The following ELF1 variants were observed in gnomAD, a reference collection of about 807,000 sequenced individuals.
ELF1 encodes the protein ETS-related transcription factor Elf-1.
ELF1 carries 24 observed loss-of-function variants against 59.9 expected under a neutral mutation model. The ratio of observed to expected loss-of-function variants is 0.40; its 90% CI spans 0.29 to 0.56. ELF1 has a LOEUF of 0.56. ELF1 is among the 20% of genes least tolerant of loss of function. The pLI is 0.44. For missense variants in ELF1, 627 were observed against 742.2 expected (o/e 0.84, Z 1.80); for synonymous variants, 248 against 266.2 (o/e 0.93, Z 0.67).
At chr13:41,033,098 C>G (rs916567367) in intron 1 of ELF1, among the ~76,000 whole-genome samples, 1 of 152,082 alleles carries the variant, frequency 6.6e-6, no homozygotes, top group Admixed American at 6.6e-5. Flanking sequence ...TTTTAGGACA[C>G]GTTAAAGAAA....
At chr13:41,061,099 CT>C (rs79032968) in exon 1 of ELF1, 1,347 of 183,456 alleles carry the variant, frequency 7.3e-3, no homozygotes, top group South Asian at 0.021. Context: ...AGTTTCACCT[CT>C]TTTTTTTTTA....
At chr13:41,023,049 T>C (rs2138396375), upstream of ELF1, among the ~76,000 whole-genome samples, 1 of 152,338 alleles carries the variant, frequency 6.6e-6, no homozygotes, top group South Asian at 2.1e-4. Context: ...ATCAAGTCAG[T>C]ATATACCTTA....
Position 40,940,925 on chromosome 13 carries a change from T to C in ELF1, c.1252A>G (p.Ile418Val), listed in dbSNP as rs758821415. ...TCAGTAGTTTGGTTTTCTCACCTAATACTCTGAACGGAAGAATTTAATGTT... is the reference window on the plus strand; with the variant it reads ...TCAGTAGTTTGGTTTTCTCACCTAACACTCTGAACGGAAGAATTTAATGTT... ...DETLNSSVQS[I>V]RTIQAPTQVP... The change falls in exon 8 of 9, where the codon ATT becomes GTT. Residue 418 changes from isoleucine (I) to valine (V), a missense_variant. By Grantham distance (29) the Ile-to-Val change is conservative (BLOSUM62 3). Transcript: ENST00000239882. 5 of 1,609,144 alleles carry C rather than the reference T, an allele frequency of 3.1e-6. No homozygotes were observed. In the South Asian group the frequency reaches 5.5e-5, roughly 18 times the overall value.
intron 1 of ELF1, among the ~76,000 whole-genome samples, chr13:41,040,350 G>A (rs146044564): frequency 5.3e-5 from 8 of 152,068 alleles, no homozygotes; most frequent in Non-Finnish European, 7.4e-5. Flanking sequence ...AAATCTCCAG[G>A]ACATATTTAA....
intron 1 of ELF1, among the ~76,000 whole-genome samples, chr13:41,056,655 C>T (rs146132695): frequency 3.0e-4 from 46 of 152,234 alleles, no homozygotes; most frequent in African/African-American, 1.0e-3. Flanking sequence ...AGAACAAGAA[C>T]GATCTCATAT....
At chr13:40,959,611 G>T (rs1871685212) in intron 2 of ELF1, among the ~76,000 whole-genome samples, 1 of 151,958 alleles carries the variant, frequency 6.6e-6, no homozygotes, top group Non-Finnish European at 1.5e-5. Flanking sequence ...AAGTTTTTTG[G>T]CAAAACAAAA....
At position 41,051,048 on chromosome 13, in the gene ELF1, T is replaced by C. The variant is rs571424894; in HGVS notation, c.-229+9790A>G. 3.3e-5 allele frequency among the ~76,000 whole-genome samples: 5 copies of C among 152,362 alleles called. No homozygotes were observed. In the South Asian group the frequency reaches 1.0e-3, roughly 32 times the overall value. On this transcript the variant is annotated intron_variant, in intron 1 of 1. Coordinates refer to the ELF1 transcript ENST00000405737. The stretch of plus-strand genomic sequence containing the variant: ...GTTGTGACTGCTTTCATATAAACTT[T>C]ATGTGCCTTCATTTCCCACACATTT...
chr13:40,991,557 G>A (rs1341871029), intron 1 of ELF1, among the ~76,000 whole-genome samples: 2 of 152,122 alleles, frequency 1.3e-5, no homozygotes, highest in Non-Finnish European at 2.9e-5. Context: ...GGTTACAGGT[G>A]TGAGCCACCA....
chr13:41,046,022 C>T (rs961407697), intron 1 of ELF1, among the ~76,000 whole-genome samples: 1 of 152,100 alleles, frequency 6.6e-6, no homozygotes, highest in African/African-American at 2.4e-5. Context: ...TGAATTGATC[C>T]CTTTACCATT....
chr13:41,001,963 T>A (rs995885143), intron 1 of ELF1, among the ~76,000 whole-genome samples: 1 of 152,110 alleles, frequency 6.6e-6, no homozygotes, highest in African/African-American at 2.4e-5. Context: ...AATATCTAAC[T>A]CCTAGTTACA....
At position 40,958,829 on chromosome 13, in the gene ELF1, C is replaced by G. The variant is rs1871621245; in HGVS notation, c.253+7G>C. ...AGCAAGGTCCTACTGGATGGAGACA[C>G]ACGCACCTGTAAGGGTGATGTCATC... On this transcript the variant is annotated splice_region_variant and intron_variant, in intron 3 of 8. Coordinates refer to ENST00000239882, the MANE Select transcript of ELF1 (RefSeq NM_172373.4). The G allele has an allele frequency of 1.7e-5, 28 of 1,603,498 alleles. No homozygotes were observed. The highest frequency in any genetic ancestry group is 2.3e-5 in the Non-Finnish European group (27 of 1,174,454).
intron 1 of ELF1, among the ~76,000 whole-genome samples, chr13:41,047,850 T>C (rs1039497622): frequency 2.0e-5 from 3 of 152,228 alleles, no homozygotes; most frequent in Non-Finnish European, 4.4e-5. Context: ...TGCTGCCTTT[T>C]GTTTGGCTAT....
At chr13:41,043,808 C>G (rs1876726356) in intron 1 of ELF1, among the ~76,000 whole-genome samples, 1 of 152,112 alleles carries the variant, frequency 6.6e-6, no homozygotes, top group Admixed American at 6.6e-5. Flanking sequence ...ACCATATGAA[C>G]TTTAAAGTAG....
At chr13:41,016,118 T>C (rs1335513409) in intron 1 of ELF1, among the ~76,000 whole-genome samples, 1 of 152,202 alleles carries the variant, frequency 6.6e-6, no homozygotes, top group Non-Finnish European at 1.5e-5. Flanking sequence ...TAGTCAGTGG[T>C]TGGTTCTGTT....
At position 40,933,871 on chromosome 13, in the gene ELF1, G is replaced by T. The variant is rs372346993; in HGVS notation, c.1414C>A (p.Pro472Thr). Residue 472 changes from proline (P) to threonine (T), a missense_variant, in exon 9 of 9, where the codon CCA (proline) becomes ACA (threonine). Pro to Thr is a conservative substitution (Grantham distance 38). This residue lies in a region of ELF1 where 361 missense variants were observed against 396.1 expected (regional missense o/e 0.91). Coordinates refer to ENST00000239882, the MANE Select transcript of ELF1 (RefSeq NM_172373.4). ...GSQKFILQAI[P>T]SSQPMTVLKE... ...AGTACTGTCATGGGCTGTGATGATG[G>T]AATGGCTTGTAAAATAAACTTCTGA... The T allele has an allele frequency of 6.2e-4, 1,000 of 1,614,228 alleles. 15 individuals carry two copies. In the South Asian group the frequency reaches 0.011, roughly 17 times the overall value.
chr13:40,958,952 T>C lies in ELF1; in HGVS notation c.137A>G (p.Asn46Ser), dbSNP rs534615740. ...VEHVPGADIL[N>S]SYAGLACVEE... ...CACACAGGCTAGACCGGCATAACTATTGAGAATATCAGCACCAGGAACATG... is the reference window on the plus strand; with the variant it reads ...CACACAGGCTAGACCGGCATAACTACTGAGAATATCAGCACCAGGAACATG... The change falls in exon 3 of 9, where the codon AAT (asparagine) becomes AGT (serine). Residue 46 changes from asparagine to serine, a missense_variant. Coordinates refer to ENST00000239882, the MANE Select transcript of ELF1 (RefSeq NM_172373.4). The C allele has an allele frequency of 3.7e-6, 6 of 1,613,736 alleles. No homozygotes were observed. The highest frequency in any genetic ancestry group is 2.7e-5 in the African/African-American group (2 of 75,000).
chr13:41,002,363 C>A (rs1386222305), intron 1 of ELF1, among the ~76,000 whole-genome samples: 1 of 151,908 alleles, frequency 6.6e-6, no homozygotes, highest in Admixed American at 6.6e-5. Context: ...CATATCAGGG[C>A]GAGGTGCAGT....
intron 4 of ELF1, among the ~76,000 whole-genome samples, chr13:40,950,492 AT>A (rs56369349): frequency 0.068 from 10,238 of 150,298 alleles, 443 homozygotes; most frequent in Middle Eastern, 0.11. Flanking sequence ...GATTTCATTC[AT>A]TTTTTTTTTA....
At chr13:41,033,400 T>C (rs1450179833) in intron 1 of ELF1, among the ~76,000 whole-genome samples, 3 of 152,202 alleles carry the variant, frequency 2.0e-5, no homozygotes, top group East Asian at 1.9e-4. Flanking sequence ...CTCAAATACA[T>C]AACGAAAAGA....
Sources: allele counts gnomAD v4.1 joint callset (sites outside exome capture counted in the v4.1 genomes callset), GRCh38; gene constraint gnomAD v4.1.1; regional missense constraint gnomAD v4.1.1; transcripts MANE v1.5; gene names NCBI Gene and HGNC (gene_info 2026-07-23, HGNC 2026-07-21).